Variants in FIBCD1 observed in about 807,000 individuals in gnomAD.
FIBCD1 encodes the protein fibrinogen C domain containing 1.
A neutral mutation model predicts 45.1 loss-of-function variants in FIBCD1; 47 were observed. The observed-to-expected ratio is 1.04, with a 90% confidence interval of 0.82 to 1.33. The LOEUF (loss-of-function observed/expected upper bound fraction) is 1.33, where lower values mean the gene tolerates loss of function less well. Ranked by LOEUF, FIBCD1 falls within the 40% of genes most tolerant of loss-of-function variation. The probability of loss-of-function intolerance (pLI) is 0.00; values close to 1 mark genes in which losing one functional copy is unlikely to be tolerated. For synonymous variants in FIBCD1, 313 were observed against 308.1 expected, an observed-to-expected ratio of 1.02 and a Z score of -0.17; for missense variants, 653 against 682.2, an observed-to-expected ratio of 0.96 and a Z score of 0.48.
chr9:130,921,305 G>T (rs1420881664), intron 4 of FIBCD1, among the ~76,000 whole-genome samples: 8 of 152,274 alleles, frequency 5.3e-5, no homozygotes, highest in Admixed American at 5.2e-4. Flanking sequence ...GGGCTGGAGA[G>T]GTGGCAGCCA....
intron 4 of FIBCD1, 54 bp downstream of exon 4, chr9:130,923,690 A>G (rs1832300932): frequency 1.3e-6 from 2 of 1,594,746 alleles, no homozygotes; most frequent in African/African-American, 1.3e-5. Flanking sequence ...TCAGGTACAC[A>G]GCCTCACGGT....
intron 4 of FIBCD1, among the ~76,000 whole-genome samples, chr9:130,913,649 G>A (rs1466554662): frequency 1.3e-5 from 2 of 152,216 alleles, no homozygotes; most frequent in Admixed American, 1.3e-4. Context: ...AATTCGATCA[G>A]GCTCAGGGAG....
rs776607387 is a variant in FIBCD1, at chr9:130,924,276, C to T, written c.673G>A (p.Ala225Thr). The T allele has an allele frequency of 5.6e-6, 9 of 1,602,424 alleles. No individual in the cohort carries two copies. In the East Asian group the frequency reaches 2.0e-4, roughly 36 times the overall value. The stretch of plus-strand genomic sequence containing the variant: ...CGGGGCCGGGTTCCCCGGGCAGGCG[C>T]TCTCTGAAGGTCGGCCTTGTTGCGG... ...RPRNKADLQR[A>T]PARGTRPRGC... Residue 225 changes from alanine to threonine, a missense_variant, in exon 3 of 7, where the codon GCG becomes ACG. By Grantham distance (58) the Ala-to-Thr change is moderately conservative (BLOSUM62 0). Coordinates refer to ENST00000372338, the MANE Select transcript of FIBCD1 (RefSeq NM_032843.5).
At chr9:130,920,903 T>G (rs1053292830) in intron 4 of FIBCD1, among the ~76,000 whole-genome samples, 1 of 152,204 alleles carries the variant, frequency 6.6e-6, no homozygotes, top group Non-Finnish European at 1.5e-5. Flanking sequence ...CTGACCTCCC[T>G]GACCCCGGCT....
intron 4 of FIBCD1, among the ~76,000 whole-genome samples, chr9:130,915,861 C>T (rs1187781705): frequency 1.3e-5 from 2 of 152,224 alleles, no homozygotes; most frequent in African/African-American, 4.8e-5. Flanking sequence ...CAGAGAGATG[C>T]AGCCGACGTC....
intron 4 of FIBCD1, among the ~76,000 whole-genome samples, chr9:130,921,955 G>A (rs1015818128): frequency 7.9e-5 from 12 of 152,210 alleles, no homozygotes; most frequent in Non-Finnish European, 1.8e-4. Context: ...AGCAGGCTCT[G>A]CCTTGCTGGC....
intron 2 of FIBCD1, among the ~76,000 whole-genome samples, chr9:130,924,599 G>C (rs1439871900): frequency 6.6e-6 from 1 of 152,210 alleles, no homozygotes; most frequent in Non-Finnish European, 1.5e-5. Flanking sequence ...CCTGTGCTCT[G>C]GGGCCTCGAG....
At chr9:130,910,122 G>A (rs1408504920) in intron 5 of FIBCD1, among the ~76,000 whole-genome samples, 1 of 152,242 alleles carries the variant, frequency 6.6e-6, no homozygotes, top group Non-Finnish European at 1.5e-5. Context: ...GGGGTGGAGG[G>A]AGAGGCGCGA....
At chr9:130,919,413 C>T (rs971864487) in intron 4 of FIBCD1, among the ~76,000 whole-genome samples, 7 of 152,192 alleles carry the variant, frequency 4.6e-5, no homozygotes, top group Admixed American at 3.9e-4. Flanking sequence ...GAGGGCCGGC[C>T]GCAGCTGCAG....
intron 4 of FIBCD1, 74 bp from the exon 5 acceptor site, chr9:130,911,962 G>T: frequency 7.4e-7 from 1 of 1,342,708 alleles, no homozygotes; most frequent in Non-Finnish European, 1.0e-6. Context: ...GGCCCACCCC[G>T]CCCAGAGACT....
At chr9:130,935,460 C>T (rs1434949969) in intron 1 of FIBCD1, among the ~76,000 whole-genome samples, 1 of 152,234 alleles carries the variant, frequency 6.6e-6, no homozygotes, top group Non-Finnish European at 1.5e-5. Flanking sequence ...AGGGAGGACG[C>T]ATTAACAAAG....
In FIBCD1 at chr9:130,922,226, G is replaced by A. The variant is rs140579723; in HGVS notation, c.849+1518C>T. Among the ~76,000 whole-genome samples the A allele has an allele frequency of 7.7e-3, 1,175 of 152,302 alleles. 3 individuals carry two copies. Among genetic ancestry groups the A allele is most frequent in the Non-Finnish European group, 0.014 (939 of 68,020 alleles). The stretch of plus-strand genomic sequence containing the variant: ...CAAGATCCCAGGCGAGATGCGTCCC[G>A]CACTCAGTGGCAGCAGCCCTGGGGC... On this transcript the variant is annotated intron_variant, in intron 4 of 6. Coordinates refer to ENST00000372338, the MANE Select transcript of FIBCD1 (RefSeq NM_032843.5). The surrounding 1 kb of genome is among the most constrained non-coding windows in gnomAD (Gnocchi z 4.5).
chr9:130,929,262 A>G (rs1206634103), intron 2 of FIBCD1, among the ~76,000 whole-genome samples: 1 of 152,140 alleles, frequency 6.6e-6, no homozygotes. Context: ...ACCCTGGAGC[A>G]CTGGGGAAGC....
rs142746209 is a variant in FIBCD1, at chr9:130,911,023, G to A, written c.946+769C>T. Among the ~76,000 whole-genome samples the A allele has an allele frequency of 8.6e-3, 1,311 of 152,336 alleles. 17 individuals are homozygous for A. Among genetic ancestry groups the A allele is most frequent in the African/African-American group, 0.03 (1,245 of 41,572 alleles). ...ACTGGGCTCTACCAAGCAGCAGGAT[G>A]TGGGTGGGGCCACATAAGAGAATAA... On this transcript the variant is annotated intron_variant, in intron 5 of 6. Coordinates refer to ENST00000372338, the MANE Select transcript of FIBCD1 (RefSeq NM_032843.5).
At chr9:130,937,208 G>A (rs746851241) in intron 1 of FIBCD1, among the ~76,000 whole-genome samples, 5 of 152,288 alleles carry the variant, frequency 3.3e-5, no homozygotes, top group Admixed American at 6.5e-5. Flanking sequence ...ATCTCAGCAG[G>A]AGGGGACTTG....
chr9:130,917,093 G>A (rs1308842309), intron 4 of FIBCD1, among the ~76,000 whole-genome samples: 2 of 140,622 alleles, frequency 1.4e-5, no homozygotes, highest in Admixed American at 7.3e-5. Context: ...GTGAGACCTC[G>A]TCTTAAAACA....
rs988144800 is a variant in FIBCD1 at position 130,902,710 on chromosome 9, T to G, written c.*1354A>C. ...TTCGGAGGCCCCCCATCAGGAGGCC[T>G]TGGAAAAGCCGCCCTGCATCTGGGC... is the stretch of plus-strand genomic sequence containing the variant. On this transcript the variant is annotated 3_prime_UTR_variant, in exon 7 of 7. Coordinates refer to ENST00000372338, the MANE Select transcript of FIBCD1 (RefSeq NM_032843.5). The G allele has an allele frequency of 6.6e-5, 10 of 152,324 alleles. No individual in the cohort carries two copies. The highest frequency in any genetic ancestry group is 1.9e-4 in the East Asian group (1 of 5,154). 9.4% of individuals were successfully genotyped at this position (152,324 alleles called of 1,614,324 possible).
At chr9:130,909,449 C>T (rs1361019439) in intron 5 of FIBCD1, among the ~76,000 whole-genome samples, 1 of 152,176 alleles carries the variant, frequency 6.6e-6, no homozygotes, top group Non-Finnish European at 1.5e-5. Flanking sequence ...AGTGACTGCT[C>T]CCGGGGGTAC....
At chr9:130,924,168 C>T (rs1205327350) in intron 3 of FIBCD1, 69 bp downstream of exon 3, 3 of 1,470,156 alleles carry the variant, frequency 2.0e-6, no homozygotes, top group East Asian at 2.4e-5. Context: ...GGAACCCTCA[C>T]CCCAACTTCC....
Sources: gnomAD v4.1 joint callset for allele counts (sites outside exome capture counted in the v4.1 genomes callset) on GRCh38, gnomAD v4.1.1 for gene constraint, Gnocchi (gnomAD v3.1) non-coding constraint, MANE v1.5 for transcripts, NCBI Gene and HGNC (gene_info 2026-07-23, HGNC 2026-07-21) for gene names.